AGBL3: variants seen among roughly 807,000 people sequenced by gnomAD.
AGBL3 encodes cytosolic carboxypeptidase 3.
In AGBL3, 68 loss-of-function variants were observed where a neutral mutation model predicts 94.5. The observed-to-expected ratio is 0.72, with a 90% CI of 0.59 to 0.88. AGBL3 has a LOEUF of 0.88. Ranked by LOEUF, AGBL3 falls within the 40% of genes least tolerant of loss-of-function variation. The probability of loss-of-function intolerance (pLI) is 0.00; values close to 1 mark genes in which losing one functional copy is unlikely to be tolerated. For missense variants in AGBL3, 934 were observed against 1,103.8 expected (o/e 0.85, Z 2.18); for synonymous variants, 354 against 370.7 (o/e 0.95, Z 0.52).
At chr7:135,080,928 G>A (rs947706697) in intron 14 of AGBL3, among the ~76,000 whole-genome samples, 2 of 105,714 alleles carry the variant, frequency 1.9e-5, no homozygotes, top group Admixed American at 1.2e-4. Context: ...AAAAGGATTT[G>A]AGGTAACCTA....
chr7:135,034,335 G>A lies in AGBL3; in HGVS notation c.744G>A (p.Glu248=), dbSNP rs1584901107. 1.3e-6 allele frequency: 2 copies of A among 1,551,560 alleles called. No individual in the cohort carries two copies. The highest frequency in any genetic ancestry group is 1.7e-6 in the Non-Finnish European group (2 of 1,146,996). Residue 248 remains glutamate (E), a synonymous_variant, in exon 7 of 17, where the codon GAG becomes GAA. Coordinates refer to ENST00000436302, the MANE Select transcript of AGBL3 (RefSeq NM_178563.4). ...GMRPLFYSEK[E]AKAHHIGWQR... Reference sequence around the variant, plus strand: ...GCCCACTGTTCTATTCTGAAAAAGAGGCCAAGGCTCATCACATTGGCTGGC... The same window carrying A: ...GCCCACTGTTCTATTCTGAAAAAGAAGCCAAGGCTCATCACATTGGCTGGC...
chr7:135,015,530 AT>A (rs1409041584), intron 4 of AGBL3, among the ~76,000 whole-genome samples: 1 of 152,178 alleles, frequency 6.6e-6, no homozygotes, highest in Non-Finnish European at 1.5e-5. Flanking sequence ...TTCTCAAAAC[AT>A]GGCTCTCAGT....
At chr7:135,134,770 T>C (rs1829247531) in intron 16 of AGBL3, 71 bp from the exon 17 acceptor site, 1 of 1,328,180 alleles carries the variant, frequency 7.5e-7, no homozygotes, top group African/African-American at 1.5e-5. Context: ...ATTTATACTA[T>C]GACAACATAC....
chr7:135,005,994 C>A lies in AGBL3; in HGVS notation c.311-11058C>A, dbSNP rs529456747. Among the ~76,000 whole-genome samples, 8 of 151,880 alleles carry A rather than the reference C, an allele frequency of 5.3e-5. No homozygotes were observed. In the East Asian group the frequency reaches 5.8e-4, roughly 11 times the overall value. On this transcript the variant is annotated intron_variant, in intron 4 of 16. Transcript: ENST00000436302. ...AAATGTAAAACATACAATTATAAAT[C>A]TTTTTTAAAATAGAAAATCTTTATG...
At chr7:135,131,591 C>T (rs1391600443) in intron 16 of AGBL3, among the ~76,000 whole-genome samples, 2 of 151,688 alleles carry the variant, frequency 1.3e-5, no homozygotes, top group Non-Finnish European at 2.9e-5. Flanking sequence ...ACTGCATATG[C>T]TAAAAAATGA....
At chr7:134,994,365 G>A in intron 4 of AGBL3, among the ~76,000 whole-genome samples, 1 of 152,016 alleles carries the variant, frequency 6.6e-6, no homozygotes, top group Non-Finnish European at 1.5e-5. Context: ...TGAAACTGAA[G>A]AGTATATATT....
chr7:135,042,906 T>G (rs1347373950), intron 8 of AGBL3, among the ~76,000 whole-genome samples: 1 of 152,106 alleles, frequency 6.6e-6, no homozygotes, highest in Non-Finnish European at 1.5e-5. Context: ...AGAGAGACCC[T>G]GTCTCAAAAA....
intron 11 of AGBL3, 38 bp downstream of exon 11, chr7:135,045,949 C>T (rs1554503378): frequency 3.1e-6 from 4 of 1,279,968 alleles, no homozygotes; most frequent in Non-Finnish European, 4.4e-6. Context: ...ATTTGTTGTG[C>T]TGTTTTACTA....
In AGBL3 at chr7:135,072,367, G is replaced by A. The variant is rs1585005977; in HGVS notation, c.1909-4030G>A. Among the ~76,000 whole-genome samples the A allele has an allele frequency of 4.6e-5, 7 of 152,230 alleles. No individual in the cohort carries two copies. The South Asian group carries it at 1.5e-3, about 32-fold the overall frequency. On this transcript the variant is annotated intron_variant, in intron 12 of 16. Coordinates refer to ENST00000436302, the MANE Select transcript of AGBL3 (RefSeq NM_178563.4). ...GGAAGTCAGTGTGGCAATTCCTCAG[G>A]GATCCAGAACTAGAAATACCATTTG...
intron 15 of AGBL3, 97 bp from the exon 16 acceptor site, chr7:135,115,283 G>C: frequency 2.6e-6 from 2 of 764,626 alleles, no homozygotes; most frequent in South Asian, 2.1e-5. Flanking sequence ...AGATGGGCAA[G>C]GAATTTTAGA....
At chr7:135,044,694 T>G (rs1489612626) in intron 9 of AGBL3, among the ~76,000 whole-genome samples, 1 of 152,116 alleles carries the variant, frequency 6.6e-6, no homozygotes, top group Non-Finnish European at 1.5e-5. Context: ...TATGTACTTT[T>G]CAGCTTGTTT....
intron 5 of AGBL3, among the ~76,000 whole-genome samples, chr7:135,019,149 A>T (rs187326857): frequency 1.3e-5 from 2 of 152,342 alleles, no homozygotes; most frequent in African/African-American, 4.8e-5. Flanking sequence ...TCAGATTTAT[A>T]CATGTTAGCA....
intron 12 of AGBL3, among the ~76,000 whole-genome samples, chr7:135,059,732 T>C (rs1818661078): frequency 6.6e-6 from 1 of 152,050 alleles, no homozygotes; most frequent in African/African-American, 2.4e-5. Flanking sequence ...AAAGAGTAAA[T>C]TAAAGCAGGA....
intron 11 of AGBL3, among the ~76,000 whole-genome samples, chr7:135,046,442 T>C (rs2116574212): frequency 6.6e-6 from 1 of 152,190 alleles, no homozygotes; most frequent in Non-Finnish European, 1.5e-5. Context: ...GTATTTTCAC[T>C]GTAAGGATTC....
At chr7:135,103,610 T>C (rs559696941) in intron 15 of AGBL3, among the ~76,000 whole-genome samples, 4 of 152,314 alleles carry the variant, frequency 2.6e-5, no homozygotes, top group Non-Finnish European at 5.9e-5. Flanking sequence ...TGTTTTCTTA[T>C]GGTAGTCAGT....
rs116053051 is a variant in AGBL3, at chr7:135,089,214, A to G, written c.2110+7424A>G. Among the ~76,000 whole-genome samples, 670 of 151,466 alleles carry G rather than the reference A, an allele frequency of 4.4e-3. 5 individuals carry two copies. The highest frequency in any genetic ancestry group is 0.015 in the African/African-American group (640 of 41,306). ...GTTTCAGCTGTGATATTTCTTTTTTATTATATCTATTTATGTTGAATTTCT... is the reference window on the plus strand; with the variant it reads ...GTTTCAGCTGTGATATTTCTTTTTTGTTATATCTATTTATGTTGAATTTCT... On this transcript the variant is annotated intron_variant, in intron 15 of 16. Coordinates refer to ENST00000436302, the MANE Select transcript of AGBL3 (RefSeq NM_178563.4).
At position 135,134,831 on chromosome 7, in the gene AGBL3, T is replaced by C. The variant is rs1165119809; in HGVS notation, c.2343-10T>C. 6.5e-7 allele frequency: 1 copy of C among 1,546,662 alleles called. No individual in the cohort carries two copies. Among genetic ancestry groups the C allele is most frequent in the Non-Finnish European group, 8.7e-7 (1 of 1,143,702 alleles). ...TGGACAAAAATTCACGTATTTCATT[T>C]CTTTTCTAGACTAAATCCGGCTACT... On this transcript the variant is annotated splice_polypyrimidine_tract_variant and intron_variant, in intron 16 of 16. Transcript: ENST00000436302.
chr7:135,070,982 G>A (rs1352380889), intron 12 of AGBL3, among the ~76,000 whole-genome samples: 1 of 151,970 alleles, frequency 6.6e-6, no homozygotes, highest in South Asian at 2.1e-4. Context: ...AAACCCCATT[G>A]TCTCAGCCCA....
rs144292220 is a variant in AGBL3, at chr7:135,106,991, T to A, written c.2111-8389T>A. On this transcript the variant is annotated intron_variant, in intron 15 of 16. Coordinates refer to ENST00000436302, the MANE Select transcript of AGBL3 (RefSeq NM_178563.4). ...ATCCATCTCTTCTAGGTTTTCTAGT[T>A]TGTGTGCATAGACATGTTCATAGTA... 8.6e-4 allele frequency among the ~76,000 whole-genome samples: 131 copies of A among 152,300 alleles called. 1 individual carries two copies. Among genetic ancestry groups the A allele is most frequent in the African/African-American group, 2.7e-3 (112 of 41,560 alleles).
Sources: gnomAD v4.1 joint callset for allele counts (sites outside exome capture counted in the v4.1 genomes callset) on GRCh38, gnomAD v4.1.1 for gene constraint, MANE v1.5 for transcripts, NCBI Gene and HGNC (gene_info 2026-07-23, HGNC 2026-07-21) for gene names.